SLC22A8: variants seen among roughly 807,000 people sequenced by gnomAD.
SLC22A8 encodes the protein solute carrier family 22 member 8, also known as organic anion transporter 3.
In SLC22A8, 40 loss-of-function variants were observed where a neutral mutation model predicts 48.4. That is an observed-to-expected ratio of 0.83 (90% confidence interval 0.64 to 1.08). The LOEUF (loss-of-function observed/expected upper bound fraction) is 1.08, where lower values mean the gene tolerates loss of function less well. Ranked by LOEUF, SLC22A8 falls within the 50% of genes least tolerant of loss-of-function variation. SLC22A8 has a pLI of 0.00. For missense variants in SLC22A8, 606 were observed against 699.0 expected, an observed-to-expected ratio of 0.87 and a Z score of 1.50; for synonymous variants, 268 against 286.3, an observed-to-expected ratio of 0.94 and a Z score of 0.65.
intron 2 of SLC22A8, among the ~76,000 whole-genome samples, chr11:63,013,692 T>C (rs2086643634): frequency 1.3e-5 from 2 of 152,224 alleles, no homozygotes; most frequent in African/African-American, 4.8e-5. Flanking sequence ...TTCCTTTCTC[T>C]GGGTCTTAGG....
chr11:63,004,627 C>T (rs1488530828), intron 2 of SLC22A8, among the ~76,000 whole-genome samples: 1 of 152,184 alleles, frequency 6.6e-6, no homozygotes, highest in South Asian at 2.1e-4. Flanking sequence ...TTAATTTTCT[C>T]AGTAGTGCTT....
intron 7 of SLC22A8, 38 bp from the exon 8 acceptor site, chr11:62,994,794 A>G: frequency 6.6e-7 from 1 of 1,524,400 alleles, no homozygotes; most frequent in Non-Finnish European, 9.1e-7. Flanking sequence ...ACCTGCAGCC[A>G]GGCAGAGGCC....
chr11:63,002,294 G>T (rs757163494), intron 2 of SLC22A8, among the ~76,000 whole-genome samples: 5 of 152,168 alleles, frequency 3.3e-5, no homozygotes, highest in Admixed American at 6.5e-5. Context: ...ACAATGTGGT[G>T]TTTTGATATA....
At chr11:63,006,623 T>TTTTTTTTTTTTTTG (rs1317151675) in intron 2 of SLC22A8, among the ~76,000 whole-genome samples, 24 of 127,854 alleles carry the variant, frequency 1.9e-4, no homozygotes, top group African/African-American at 8.3e-4. Flanking sequence ...TTTTTTTTTT[T>TTTTTTTTTTTTTTG]TTGAGACAGA....
At position 62,993,511 on chromosome 11, in the gene SLC22A8, G is replaced by C. The variant is rs370401635; in HGVS notation, c.1442C>G (p.Thr481Ser). 6.2e-7 allele frequency: 1 copy of C among 1,614,094 alleles called. No homozygotes were observed. Among genetic ancestry groups the C allele is most frequent in the African/African-American group, 1.3e-5 (1 of 74,928 alleles). ...PFIPNIIYGI[T>S]ALLGGSAALF... ...GGCAGCACTGCCCCCGAGGAGGGCGGTGATCCCGTAGATGATATTGGGGAT... is the reference window on the plus strand; with the variant it reads ...GGCAGCACTGCCCCCGAGGAGGGCGCTGATCCCGTAGATGATATTGGGGAT... Residue 481 changes from threonine to serine, a missense_variant, in exon 10 of 11, where the codon ACC (threonine) becomes AGC (serine). Physicochemically the swap from Thr to Ser is moderately conservative, Grantham distance 58. Coordinates refer to ENST00000336232, the MANE Select transcript of SLC22A8 (RefSeq NM_004254.4).
In SLC22A8 at chr11:63,003,941, C is replaced by T. The variant is rs547121355; in HGVS notation, c.334-3118G>A. 3.2e-3 allele frequency among the ~76,000 whole-genome samples: 482 copies of T among 152,278 alleles called. 1 individual carries two copies. Among genetic ancestry groups the T allele is most frequent in the African/African-American group, 9.9e-3 (412 of 41,554 alleles). On this transcript the variant is annotated intron_variant, in intron 2 of 10. Transcript: ENST00000336232. ...GAAAGAGAAACACTTCAATATTTTT[C>T]GAGCCATGAATTATTGTTGTTATAA...
chr11:63,005,885 A>G (rs535980175), intron 2 of SLC22A8, among the ~76,000 whole-genome samples: 3 of 152,278 alleles, frequency 2.0e-5, no homozygotes, highest in Admixed American at 6.5e-5. Context: ...GTGCTTTGTT[A>G]TGGTAGCCCT....
intron 2 of SLC22A8, among the ~76,000 whole-genome samples, chr11:63,013,025 G>C (rs1203445657): frequency 6.6e-6 from 1 of 152,082 alleles, no homozygotes; most frequent in Non-Finnish European, 1.5e-5. Context: ...CCACTTATTA[G>C]CTGTGTGACC....
At chr11:63,000,313 G>A (rs1425345331) in intron 3 of SLC22A8, among the ~76,000 whole-genome samples, 3 of 151,954 alleles carry the variant, frequency 2.0e-5, no homozygotes, top group Non-Finnish European at 4.4e-5. Flanking sequence ...GTGAAACCTC[G>A]TCTCTACTAA....
At chr11:62,999,213 C>T (rs1032271881) in intron 4 of SLC22A8, 124 bp from the exon 5 acceptor site, 16 of 814,194 alleles carry the variant, frequency 2.0e-5, no homozygotes, top group East Asian at 7.7e-5. Flanking sequence ...CTGTTGATAT[C>T]GCCCTCCGTT....
Position 62,993,762 on chromosome 11 carries a change from G to C in SLC22A8, c.1325+8C>G. On this transcript the variant is annotated splice_region_variant and intron_variant, in intron 9 of 10. Transcript: ENST00000336232. ...CTGGCTGGGCCTGGCCCCAGGTCCA[G>C]CACCTACCTGATGACTGTGGGGTAT... The C allele has an allele frequency of 6.2e-7, 1 of 1,606,268 alleles. No individual in the cohort carries two copies. The highest frequency in any genetic ancestry group is 1.1e-5 in the South Asian group (1 of 90,944).
At position 62,993,132 on chromosome 11, in the gene SLC22A8, A is replaced by C. The variant is rs552204097; in HGVS notation, c.*105T>G. 97 of 786,918 alleles carry C rather than the reference A, an allele frequency of 1.2e-4. No homozygotes were observed. The African/African-American group carries it at 1.6e-3, about 13-fold the overall frequency. The allele number at this position is 786,918 out of a possible 1,614,324, so 48.7% of individuals were successfully genotyped here. ...GAGACACCTTCACCAAGCTCTCAGAAGGCTTCATCCTAGGAGGATGGACCT... is the reference window on the plus strand; with the variant it reads ...GAGACACCTTCACCAAGCTCTCAGACGGCTTCATCCTAGGAGGATGGACCT... On this transcript the variant is annotated 3_prime_UTR_variant, in exon 11 of 11. Transcript: ENST00000336232.
chr11:62,995,557 G>C lies in SLC22A8; in HGVS notation c.1001+147C>G, dbSNP rs745305819. The C allele has an allele frequency of 3.1e-4, 194 of 630,540 alleles. 1 individual carries two copies. The highest frequency in any genetic ancestry group is 5.1e-4 in the Non-Finnish European group (180 of 352,124). The allele number at this position is 630,540 out of a possible 1,614,324, so 39.1% of individuals were successfully genotyped here. ...GGGCAGGAATGCAGCAGATTTCTGG[G>C]GTTGGGGCTGGGCTGTGGTGGCCCA... On this transcript the variant is annotated intron_variant, in intron 7 of 10. Coordinates refer to ENST00000336232, the MANE Select transcript of SLC22A8 (RefSeq NM_004254.4).
chr11:63,013,608 C>A (rs571555616), intron 2 of SLC22A8, among the ~76,000 whole-genome samples: 13 of 152,290 alleles, frequency 8.5e-5, no homozygotes, highest in African/African-American at 3.1e-4. Context: ...CATTTGTCTC[C>A]CTGTACTTCT....
At chr11:63,002,733 C>G (rs944198838) in intron 2 of SLC22A8, among the ~76,000 whole-genome samples, 7 of 152,102 alleles carry the variant, frequency 4.6e-5, no homozygotes, top group African/African-American at 1.7e-4. Flanking sequence ...CTTCTATTTC[C>G]AATACTACTG....
chr11:62,994,915 C>T (rs753824031), intron 7 of SLC22A8, 159 bp from the exon 8 acceptor site: 18 of 650,590 alleles, frequency 2.8e-5, no homozygotes, highest in Non-Finnish European at 4.2e-5. Context: ...TTTCTGAGAT[C>T]GTGTCTGGGC....
chr11:62,995,996 T>A (rs199969133), intron 6 of SLC22A8, 33 bp downstream of exon 6: 1 of 1,613,262 alleles, frequency 6.2e-7, no homozygotes, highest in Non-Finnish European at 8.5e-7. Flanking sequence ...AGCACAGGGG[T>A]TCTGCTCCCA....
intron 5 of SLC22A8, 67 bp downstream of exon 5, chr11:62,998,854 G>A: frequency 6.9e-7 from 1 of 1,456,870 alleles, no homozygotes; most frequent in South Asian, 1.3e-5. Context: ...AGCCTGGGCA[G>A]GTATGGGCTC....
chr11:62,996,187 C>T (rs1160532398), intron 5 of SLC22A8, 35 bp from the exon 6 acceptor site: 1 of 1,559,714 alleles, frequency 6.4e-7, no homozygotes, highest in South Asian at 1.2e-5. Context: ...TGGCTCCTCC[C>T]ACTCCAGAGC....
Sources: gnomAD v4.1 joint callset for allele counts (sites outside exome capture counted in the v4.1 genomes callset) on GRCh38, gnomAD v4.1.1 for gene constraint, MANE v1.5 for transcripts, NCBI Gene and HGNC (gene_info 2026-07-23, HGNC 2026-07-21) for gene names.